The following CNTNAP2 variants were observed in gnomAD, a reference collection of about 807,000 sequenced individuals.
CNTNAP2 encodes contactin-associated protein-like 2.
Under a neutral mutation model 155.2 loss-of-function variants are expected in CNTNAP2, and 98 were observed. That is an observed-to-expected ratio of 0.63 (90% CI 0.54 to 0.75). The LOEUF (loss-of-function observed/expected upper bound fraction) is 0.75, where lower values mean the gene tolerates loss of function less well. CNTNAP2 is among the 30% of genes least tolerant of loss of function. CNTNAP2 has a pLI of 0.00. For missense variants in CNTNAP2, 1,727 were observed against 1,688.1 expected, an observed-to-expected ratio of 1.02 and a Z score of -0.40; for synonymous variants, 651 against 631.2, an observed-to-expected ratio of 1.03 and a Z score of -0.47.
At chr7:146,530,886 G>A (rs1335297959) in intron 1 of CNTNAP2, among the ~76,000 whole-genome samples, 1 of 152,102 alleles carries the variant, frequency 6.6e-6, no homozygotes, top group East Asian at 1.9e-4. Context: ...TATACCCAAA[G>A]GAATATAAGT....
intron 4 of CNTNAP2, among the ~76,000 whole-genome samples, chr7:147,062,153 A>C (rs906410179): frequency 2.8e-4 from 39 of 139,492 alleles, no homozygotes; most frequent in Non-Finnish European, 4.9e-4. Context: ...AAAAAAAAAA[A>C]AAAAAAAAAA....
chr7:148,270,379 G>T (rs1010738958), intron 21 of CNTNAP2, among the ~76,000 whole-genome samples: 1 of 152,204 alleles, frequency 6.6e-6, no homozygotes, highest in Non-Finnish European at 1.5e-5. Context: ...ATAAATACCT[G>T]TAAGGAGGTC....
rs537372516 is a variant in CNTNAP2, at chr7:147,249,363, A to G, written c.1349-50778A>G. On this transcript the variant is annotated intron_variant, in intron 8 of 23. Coordinates refer to ENST00000361727, the MANE Select transcript of CNTNAP2 (RefSeq NM_014141.6). ...TGTTCTACTCACCACGTTAAGAGGC[A>G]CAAGTTATCAAAGTTACTACCAATA... Among the ~76,000 whole-genome samples, 12 of 152,276 alleles carry G rather than the reference A, an allele frequency of 7.9e-5. No individual in the cohort carries two copies. In the East Asian group the frequency reaches 2.1e-3, roughly 27 times the overall value.
intron 21 of CNTNAP2, among the ~76,000 whole-genome samples, chr7:148,281,318 C>T (rs946897712): frequency 6.6e-6 from 1 of 152,192 alleles, no homozygotes; most frequent in African/African-American, 2.4e-5. Context: ...GGCAGCTTAT[C>T]GCCTTGTGAT....
At chr7:146,341,128 T>A (rs562819226) in intron 1 of CNTNAP2, among the ~76,000 whole-genome samples, 50 of 152,304 alleles carry the variant, frequency 3.3e-4, no homozygotes, top group Non-Finnish European at 5.6e-4. Flanking sequence ...TTTTGATACA[T>A]GTCCGCATTT....
intron 13 of CNTNAP2, among the ~76,000 whole-genome samples, chr7:147,866,316 G>A (rs552431857): frequency 6.6e-6 from 1 of 152,106 alleles, no homozygotes; most frequent in Non-Finnish European, 1.5e-5. Context: ...TTTTCTATTT[G>A]CTGAGGAGTG....
intron 13 of CNTNAP2, among the ~76,000 whole-genome samples, chr7:147,838,553 C>G (rs1351143277): frequency 1.3e-5 from 2 of 152,196 alleles, no homozygotes; most frequent in Admixed American, 1.3e-4. Context: ...TGAATCATCT[C>G]TCTCAAGTTC....
intron 1 of CNTNAP2, among the ~76,000 whole-genome samples, chr7:146,409,766 C>T (rs540452425): frequency 6.6e-6 from 1 of 152,230 alleles, no homozygotes; most frequent in Non-Finnish European, 1.5e-5. Flanking sequence ...AAGCCAAAAA[C>T]CTTTACAAAA....
chr7:146,397,871 C>CTTTTTTTTTTTTTTTTTTTT (rs1438446898), intron 1 of CNTNAP2, among the ~76,000 whole-genome samples: 3 of 126,918 alleles, frequency 2.4e-5, no homozygotes, highest in African/African-American at 3.4e-5. Flanking sequence ...ATTTGACAGG[C>CTTTTTTTTTTTTTTTTTTTT]TTTTATTTAT....
At chr7:147,391,564 G>A (rs961866233) in intron 9 of CNTNAP2, among the ~76,000 whole-genome samples, 1 of 151,902 alleles carries the variant, frequency 6.6e-6, no homozygotes, top group Admixed American at 6.6e-5. Context: ...TTAATAAAAG[G>A]CACATCCACA....
chr7:148,283,307 G>GT (rs869305935), intron 21 of CNTNAP2, among the ~76,000 whole-genome samples: 1 of 58,354 alleles, frequency 1.7e-5, no homozygotes, highest in African/African-American at 8.5e-5. Context: ...AAGAAAGAAA[G>GT]GAAGGAAGGA....
chr7:147,767,361 C>T (rs1233889268), intron 13 of CNTNAP2, among the ~76,000 whole-genome samples: 3 of 151,992 alleles, frequency 2.0e-5, no homozygotes, highest in Non-Finnish European at 4.4e-5. Flanking sequence ...TCTGAGTTGA[C>T]TCCAGGACAA....
intron 3 of CNTNAP2, among the ~76,000 whole-genome samples, chr7:146,904,566 G>A (rs553951106): frequency 6.6e-6 from 1 of 152,226 alleles, no homozygotes; most frequent in Non-Finnish European, 1.5e-5. Flanking sequence ...GCGCCTCCCA[G>A]GTTCACGCCA....
At chr7:148,277,504 A>T (rs913329851) in intron 21 of CNTNAP2, among the ~76,000 whole-genome samples, 3 of 151,906 alleles carry the variant, frequency 2.0e-5, no homozygotes, top group Admixed American at 2.0e-4. Context: ...GAATGAGATG[A>T]TGCACGTGAG....
At chr7:146,530,398 A>G (rs1797753005) in intron 1 of CNTNAP2, among the ~76,000 whole-genome samples, 1 of 152,150 alleles carries the variant, frequency 6.6e-6, no homozygotes, top group South Asian at 2.1e-4. Context: ...ATTAAACTAA[A>G]GATCTTTTAT....
At chr7:148,320,376 C>CTTTTTTTTTTTT (rs67424217) in intron 21 of CNTNAP2, among the ~76,000 whole-genome samples, 2 of 63,386 alleles carry the variant, frequency 3.2e-5, no homozygotes, top group African/African-American at 5.4e-5. Flanking sequence ...ATTTTTTTTT[C>CTTTTTTTTTTTT]TTTTTTTTTT....
chr7:147,074,558 A>T (rs1001652770), intron 4 of CNTNAP2, among the ~76,000 whole-genome samples: 9 of 152,114 alleles, frequency 5.9e-5, no homozygotes, highest in Non-Finnish European at 8.8e-5. Flanking sequence ...AGATGTAAAA[A>T]ACTTGCTTTC....
At chr7:146,839,673 A>AT in intron 2 of CNTNAP2, 38 bp from the exon 3 acceptor site, 1 of 1,608,674 alleles carries the variant, frequency 6.2e-7, no homozygotes. Context: ...TTCAAATTTA[A>AT]ATATTCATTT....
chr7:148,138,632 G>A (rs1028990215), intron 16 of CNTNAP2, among the ~76,000 whole-genome samples: 2 of 152,110 alleles, frequency 1.3e-5, no homozygotes, highest in African/African-American at 4.8e-5. Context: ...GGATCCTTAG[G>A]TATGAGTTTC....
Sources: gnomAD v4.1 joint callset for allele counts (sites outside exome capture counted in the v4.1 genomes callset) on GRCh38, gnomAD v4.1.1 for gene constraint, MANE v1.5 for transcripts, NCBI Gene and HGNC (gene_info 2026-07-23, HGNC 2026-07-21) for gene names.